The following BICD1 variants were observed in gnomAD, a reference collection of about 807,000 sequenced individuals.
BICD1 encodes the protein BICD cargo adaptor 1.
A neutral mutation model predicts 92.5 loss-of-function variants in BICD1; 35 were observed. That is an observed-to-expected ratio of 0.38 (90% CI 0.29 to 0.50). BICD1 has a LOEUF of 0.50. Ranked by LOEUF, BICD1 falls within the 20% of genes least tolerant of loss-of-function variation. The probability of loss-of-function intolerance (pLI) is 0.93; values close to 1 mark genes in which losing one functional copy is unlikely to be tolerated. For missense variants in BICD1, 950 were observed against 1,189.8 expected, an observed-to-expected ratio of 0.80 and a Z score of 2.97; for synonymous variants, 429 against 465.1, an observed-to-expected ratio of 0.92 and a Z score of 1.00.
At position 32,164,722 on chromosome 12, in the gene BICD1, C is replaced by T. The variant is rs186835163; in HGVS notation, c.214-51525C>T. 7.9e-5 allele frequency among the ~76,000 whole-genome samples: 12 copies of T among 152,018 alleles called. No individual in the cohort carries two copies. In the East Asian group the frequency reaches 1.4e-3, roughly 17 times the overall value. On this transcript the variant is annotated intron_variant, in intron 1 of 9. Transcript: ENST00000652176. ...GATTCAGAAACCCCTTTCAACAGCA[C>T]GTAGATAGTTAAAGAGAAAGATTGT...
At position 32,209,936 on chromosome 12, in the gene BICD1, A is replaced by G. The variant is rs559569792; in HGVS notation, c.214-6311A>G. ...ATTCAGTACTTTGGTCATACCAGCC[A>G]CATTTCAAAAGCTCAGTAGCCATGT... On this transcript the variant is annotated intron_variant, in intron 1 of 9. Coordinates refer to ENST00000652176, the MANE Select transcript of BICD1 (RefSeq NM_001714.4). Among the ~76,000 whole-genome samples, 6 of 152,216 alleles carry G rather than the reference A, an allele frequency of 3.9e-5. 1 individual carries two copies. In the South Asian group the frequency reaches 6.2e-4, roughly 16 times the overall value.
At chr12:32,133,836 C>T (rs181728436) in intron 1 of BICD1, among the ~76,000 whole-genome samples, 70 of 147,764 alleles carry the variant, frequency 4.7e-4, no homozygotes, top group Middle Eastern at 3.7e-3. Context: ...GGCTGGAGTG[C>T]AGTGGTACGA....
chr12:32,363,997 TCATCAC>T (rs57082753), intron 8 of BICD1, among the ~76,000 whole-genome samples: 80,914 of 151,242 alleles, frequency 0.53, 23,098 homozygotes, highest in African/African-American at 0.74. Context: ...GATGCTGTCA[TCATCAC>T]CATCACCATC....
intron 9 of BICD1, among the ~76,000 whole-genome samples, chr12:32,368,932 G>T (rs550509558): frequency 2.6e-5 from 4 of 152,180 alleles, no homozygotes; most frequent in Non-Finnish European, 5.9e-5. Flanking sequence ...TAGATAGATA[G>T]ACAGACAGAT....
At chr12:32,300,373 G>A (rs1948003027) in intron 3 of BICD1, among the ~76,000 whole-genome samples, 1 of 152,090 alleles carries the variant, frequency 6.6e-6, no homozygotes, top group South Asian at 2.1e-4. Context: ...AAAGTGCTGG[G>A]ATTACAGGCA....
intron 4 of BICD1, among the ~76,000 whole-genome samples, chr12:32,324,253 G>C (rs994826534): frequency 2.0e-5 from 3 of 151,726 alleles, no homozygotes; most frequent in Non-Finnish European, 4.4e-5. Flanking sequence ...TGCTTAGGAG[G>C]CTGAGGCAGA....
intron 4 of BICD1, among the ~76,000 whole-genome samples, chr12:32,325,190 G>C (rs1034774623): frequency 6.6e-6 from 1 of 150,520 alleles, no homozygotes; most frequent in African/African-American, 2.4e-5. Flanking sequence ...GTCACTCTTT[G>C]TTGCTGTCCT....
At chr12:32,107,694 T>C (rs1482270853) in intron 1 of BICD1, 150 bp downstream of exon 1, 5 of 894,750 alleles carry the variant, frequency 5.6e-6, no homozygotes, top group Middle Eastern at 2.1e-4. Flanking sequence ...ATTGAAAGAG[T>C]CCATTGTTTC....
intron 8 of BICD1, among the ~76,000 whole-genome samples, chr12:32,348,621 G>C (rs1466907218): frequency 6.6e-6 from 1 of 151,330 alleles, no homozygotes. Context: ...GGAGGAACAG[G>C]TGGGCTGAGA....
chr12:32,117,004 C>A (rs567547593), intron 1 of BICD1, among the ~76,000 whole-genome samples: 7 of 151,984 alleles, frequency 4.6e-5, no homozygotes, highest in African/African-American at 7.2e-5. Flanking sequence ...TGATATGTTA[C>A]GTTTGTTTTC....
intron 1 of BICD1, among the ~76,000 whole-genome samples, chr12:32,143,674 T>G (rs1943020347): frequency 6.6e-6 from 1 of 152,216 alleles, no homozygotes; most frequent in Non-Finnish European, 1.5e-5. Flanking sequence ...CGAATTTCTA[T>G]GAGCGTGATC....
At chr12:32,263,140 C>T (rs1946900112) in intron 2 of BICD1, among the ~76,000 whole-genome samples, 1 of 149,428 alleles carries the variant, frequency 6.7e-6, no homozygotes, top group Non-Finnish European at 1.5e-5. Flanking sequence ...GTCTCAAAAT[C>T]AAACAAAAAA....
At chr12:32,215,973 A>G (rs373092993) in intron 1 of BICD1, among the ~76,000 whole-genome samples, 2 of 150,430 alleles carry the variant, frequency 1.3e-5, no homozygotes, top group African/African-American at 4.9e-5. Flanking sequence ...AAAAAAAAAA[A>G]AAGGAGAACA....
chr12:32,205,376 GT>G (rs1450202596), intron 1 of BICD1, among the ~76,000 whole-genome samples: 5 of 152,062 alleles, frequency 3.3e-5, no homozygotes, highest in African/African-American at 1.2e-4. Context: ...TAATGGGTTC[GT>G]AAGGTTGAGA....
intron 1 of BICD1, among the ~76,000 whole-genome samples, chr12:32,186,372 T>G (rs1944423639): frequency 6.6e-6 from 1 of 152,198 alleles, no homozygotes; most frequent in East Asian, 1.9e-4. Context: ...TTAATTTAAA[T>G]TTAAGTGGTC....
chr12:32,235,737 G>A (rs1946049751), intron 2 of BICD1, among the ~76,000 whole-genome samples: 1 of 145,692 alleles, frequency 6.9e-6, no homozygotes, highest in Non-Finnish European at 1.5e-5. Context: ...GTCTCGATCA[G>A]CCACCCAGGC....
At chr12:32,120,009 C>T (rs1012713222) in intron 1 of BICD1, among the ~76,000 whole-genome samples, 1 of 152,162 alleles carries the variant, frequency 6.6e-6, no homozygotes, top group African/African-American at 2.4e-5. Flanking sequence ...ATATCAAAAA[C>T]TTAACTGCAT....
chr12:32,327,837 T>A lies in BICD1; in HGVS notation c.1382T>A (p.Met461Lys). The change falls in exon 5 of 10, where the codon ATG becomes AAG. Residue 461 changes from methionine (M) to lysine (K), a missense_variant. By Grantham distance (95) the Met-to-Lys change is moderately conservative. Transcript: ENST00000652176. ...GCCAAGTATGAGAGTAAAATCCAGA[T>A]GTATGATGAGCAGGTGACAAGCCTT... The part of the protein sequence containing the change: ...EKAKYESKIQ[M>K]YDEQVTSLEK... 1 of 1,613,992 alleles carries A rather than the reference T, an allele frequency of 6.2e-7. No homozygotes were observed. Among genetic ancestry groups the A allele is most frequent in the Non-Finnish European group, 8.5e-7 (1 of 1,180,000 alleles).
rs143390002 is a variant in BICD1 at position 32,171,705 on chromosome 12, G to A, written c.214-44542G>A. Among the ~76,000 whole-genome samples, 504 of 152,154 alleles carry A rather than the reference G, an allele frequency of 3.3e-3. 6 individuals carry two copies. The highest frequency in any genetic ancestry group is 0.012 in the African/African-American group (479 of 41,512). ...TCTCAGCACTTTGGGAGGCCGAGGC[G>A]GATGGATCACTCTAGGTCAGGAGCT... is the stretch of plus-strand genomic sequence containing the variant. On this transcript the variant is annotated intron_variant, in intron 1 of 9. Transcript: ENST00000652176.
Sources: gnomAD v4.1 joint callset for allele counts (sites outside exome capture counted in the v4.1 genomes callset) on GRCh38, gnomAD v4.1.1 for gene constraint, MANE v1.5 for transcripts, NCBI Gene and HGNC (gene_info 2026-07-23, HGNC 2026-07-21) for gene names.